Variants in GRM1 observed in about 807,000 individuals in gnomAD.
The protein encoded by GRM1 is glutamate metabotropic receptor 1.
In GRM1, 33 loss-of-function variants were observed where a neutral mutation model predicts 90.9. The observed-to-expected ratio is 0.36, with a 90% CI of 0.28 to 0.49. The LOEUF (loss-of-function observed/expected upper bound fraction) is 0.49, where lower values mean the gene tolerates loss of function less well. Among genes scored for constraint, GRM1 ranks in the 20% least tolerant of loss-of-function variants. The pLI, the probability that GRM1 is intolerant of heterozygous loss-of-function variation, is 0.99. For missense variants in GRM1, 1,190 were observed against 1,534.3 expected (o/e 0.78, Z 3.75); for synonymous variants, 700 against 613.2 (o/e 1.14, Z -2.09).
chr6:146,099,667 T>G (rs1002905382), intron 1 of GRM1, among the ~76,000 whole-genome samples: 12 of 152,248 alleles, frequency 7.9e-5, no homozygotes, highest in African/African-American at 2.9e-4. Context: ...TATTCTTTTG[T>G]GGCTTGTTTT....
intron 1 of GRM1, among the ~76,000 whole-genome samples, chr6:146,073,050 T>A (rs928061726): frequency 7.2e-5 from 11 of 152,126 alleles, no homozygotes; most frequent in African/African-American, 2.4e-4. Flanking sequence ...TTCTACTCTA[T>A]CTTTTTTTGG....
chr6:146,299,313 C>T (rs1475658502), intron 2 of GRM1, among the ~76,000 whole-genome samples: 1 of 152,056 alleles, frequency 6.6e-6, no homozygotes, highest in Non-Finnish European at 1.5e-5. Flanking sequence ...TATGGATTTA[C>T]ATGCCTGGTA....
chr6:146,296,840 A>C (rs991601070), intron 2 of GRM1, among the ~76,000 whole-genome samples: 2 of 152,138 alleles, frequency 1.3e-5, no homozygotes, highest in Non-Finnish European at 1.5e-5. Context: ...TTCCAGTTCC[A>C]TTCTATTGGA....
At position 146,043,239 on chromosome 6, in the gene GRM1, G is replaced by T. The variant is rs556245784; in HGVS notation, c.700+13022G>T. 2.6e-5 allele frequency among the ~76,000 whole-genome samples: 4 copies of T among 152,180 alleles called. No individual in the cohort carries two copies. The East Asian group carries it at 7.8e-4, about 30-fold the overall frequency. On this transcript the variant is annotated intron_variant, in intron 1 of 7. Transcript: ENST00000282753. ...TTGAGCCCAAGAGTTTGAGGTTGCA[G>T]TGAGCAATGATGCATTCCATTGTGT... is the stretch of plus-strand genomic sequence containing the variant.
chr6:146,405,888 A>C (rs149813389), intron 7 of GRM1, among the ~76,000 whole-genome samples: 17 of 152,276 alleles, frequency 1.1e-4, no homozygotes, highest in African/African-American at 3.6e-4. Context: ...TTTCAATAAG[A>C]TAGAACTTGA....
At chr6:146,301,342 A>G (rs1317419263) in intron 2 of GRM1, among the ~76,000 whole-genome samples, 1 of 152,166 alleles carries the variant, frequency 6.6e-6, no homozygotes, top group Non-Finnish European at 1.5e-5. Flanking sequence ...CTACATATTC[A>G]CAGATAAAGT....
intron 2 of GRM1, among the ~76,000 whole-genome samples, chr6:146,197,466 C>T (rs1168121590): frequency 1.3e-5 from 2 of 152,186 alleles, no homozygotes; most frequent in Non-Finnish European, 2.9e-5. Context: ...CCTGAAAACA[C>T]CTCTGAAGTG....
chr6:146,081,220 A>G (rs2128863326), intron 1 of GRM1, among the ~76,000 whole-genome samples: 1 of 152,344 alleles, frequency 6.6e-6, no homozygotes, highest in African/African-American at 2.4e-5. Context: ...TAAAATGTTA[A>G]CATTTGGGAA....
intron 1 of GRM1, among the ~76,000 whole-genome samples, chr6:146,031,539 G>T (rs951547671): frequency 1.3e-5 from 2 of 152,018 alleles, no homozygotes; most frequent in African/African-American, 4.8e-5. Context: ...AAATGATATA[G>T]GATTACACAT....
chr6:146,394,848 A>G (rs1043120666), intron 6 of GRM1, among the ~76,000 whole-genome samples: 3 of 152,140 alleles, frequency 2.0e-5, no homozygotes, highest in Non-Finnish European at 4.4e-5. Context: ...TATACAATCC[A>G]TCTGGAGATG....
intron 4 of GRM1, among the ~76,000 whole-genome samples, chr6:146,354,285 A>G (rs774594332): frequency 1.3e-5 from 2 of 152,314 alleles, no homozygotes; most frequent in African/African-American, 4.8e-5. Flanking sequence ...GGTTCAGAAC[A>G]TTGACTACCT....
chr6:146,093,765 A>G (rs1776784630), intron 1 of GRM1, among the ~76,000 whole-genome samples: 1 of 152,094 alleles, frequency 6.6e-6, no homozygotes, highest in Non-Finnish European at 1.5e-5. Flanking sequence ...AAGGACTGCC[A>G]GGAACAAAGA....
intron 1 of GRM1, among the ~76,000 whole-genome samples, chr6:146,091,653 G>A (rs934084734): frequency 2.6e-5 from 4 of 152,036 alleles, no homozygotes; most frequent in African/African-American, 9.7e-5. Context: ...CATTTTTACA[G>A]TATTTATATT....
intron 2 of GRM1, among the ~76,000 whole-genome samples, chr6:146,197,105 A>T (rs1259327101): frequency 3.9e-5 from 6 of 152,180 alleles, no homozygotes; most frequent in African/African-American, 1.4e-4. Flanking sequence ...CAGACAGGAG[A>T]TACTTTGTGG....
At chr6:146,368,528 T>C (rs1474968298) in intron 5 of GRM1, among the ~76,000 whole-genome samples, 1 of 152,116 alleles carries the variant, frequency 6.6e-6, no homozygotes, top group Non-Finnish European at 1.5e-5. Flanking sequence ...TATGGCCTTA[T>C]TATGTTGACA....
intron 2 of GRM1, among the ~76,000 whole-genome samples, chr6:146,204,182 T>A (rs1462465819): frequency 6.6e-6 from 1 of 152,186 alleles, no homozygotes; most frequent in Non-Finnish European, 1.5e-5. Context: ...TCACAAGCCC[T>A]TTATTTTTGG....
At chr6:146,397,897 T>C (rs1465097092) in intron 6 of GRM1, among the ~76,000 whole-genome samples, 1 of 152,228 alleles carries the variant, frequency 6.6e-6, no homozygotes, top group Non-Finnish European at 1.5e-5. Flanking sequence ...CCTAAATTTA[T>C]GGAAATGACT....
intron 2 of GRM1, among the ~76,000 whole-genome samples, chr6:146,214,047 C>CT (rs1392133406): frequency 6.6e-6 from 1 of 152,092 alleles, no homozygotes; most frequent in Non-Finnish European, 1.5e-5. Flanking sequence ...CCAATTCACC[C>CT]TTTTTTCTAA....
At chr6:146,202,736 T>C (rs1389859513) in intron 2 of GRM1, among the ~76,000 whole-genome samples, 1 of 152,164 alleles carries the variant, frequency 6.6e-6, no homozygotes. Flanking sequence ...CTTTCCACTA[T>C]TGTTTCTGAG....
Sources: gnomAD v4.1 joint callset for allele counts (sites outside exome capture counted in the v4.1 genomes callset) on GRCh38, gnomAD v4.1.1 for gene constraint, MANE v1.5 for transcripts, NCBI Gene and HGNC (gene_info 2026-07-23, HGNC 2026-07-21) for gene names.